Variants in PTPRO observed in about 807,000 individuals in gnomAD.
PTPRO encodes the protein protein tyrosine phosphatase receptor type O, also known as receptor-type tyrosine-protein phosphatase O.
PTPRO carries 62 observed loss-of-function variants against 145.2 expected under a neutral mutation model. That is an observed-to-expected ratio of 0.43 (90% confidence interval 0.35 to 0.53). The LOEUF is 0.53. PTPRO is among the 20% of genes least tolerant of loss of function. PTPRO has a pLI of 0.01. For missense variants in PTPRO, 1,345 were observed against 1,482.7 expected (o/e 0.91, Z 1.53); for synonymous variants, 565 against 514.7 (o/e 1.10, Z -1.32).
intron 12 of PTPRO, among the ~76,000 whole-genome samples, chr12:15,545,483 C>A (rs937457737): frequency 1.1e-4 from 17 of 150,176 alleles, no homozygotes; most frequent in African/African-American, 2.7e-4. Flanking sequence ...GGGTCACAAG[C>A]AGAAGACCAG....
intron 1 of PTPRO, among the ~76,000 whole-genome samples, chr12:15,408,128 G>A (rs185431119): frequency 6.6e-6 from 1 of 152,100 alleles, no homozygotes; most frequent in Non-Finnish European, 1.5e-5. Context: ...CCCTCCTTCA[G>A]ATATGCCTGG....
chr12:15,570,660 A>G (rs1944024856), intron 19 of PTPRO, among the ~76,000 whole-genome samples: 1 of 152,234 alleles, frequency 6.6e-6, no homozygotes, highest in South Asian at 2.1e-4. Flanking sequence ...TTGGAAATGA[A>G]TGAGGAGGAT....
At chr12:15,532,658 G>T (rs911616588) in intron 12 of PTPRO, among the ~76,000 whole-genome samples, 1 of 152,132 alleles carries the variant, frequency 6.6e-6, no homozygotes, top group Non-Finnish European at 1.5e-5. Flanking sequence ...CCTCCCTTGT[G>T]GTCTATACTT....
chr12:15,522,562 T>C (rs1042564260), intron 10 of PTPRO, among the ~76,000 whole-genome samples: 1 of 152,224 alleles, frequency 6.6e-6, no homozygotes, highest in African/African-American at 2.4e-5. Flanking sequence ...TTTTACCTTC[T>C]TATTTAAAGC....
At chr12:15,546,465 C>T in intron 12 of PTPRO, 104 bp from the exon 13 acceptor site, 1 of 1,532,690 alleles carries the variant, frequency 6.5e-7, no homozygotes, top group South Asian at 1.2e-5. Flanking sequence ...GGTGCTCTTA[C>T]CTACCTATAT....
chr12:15,548,305 G>A (rs1943351424), intron 13 of PTPRO, among the ~76,000 whole-genome samples: 1 of 152,130 alleles, frequency 6.6e-6, no homozygotes, highest in Non-Finnish European at 1.5e-5. Context: ...ATGTAGGGAG[G>A]CAGGCATTGT....
chr12:15,436,988 C>T (rs147421600), intron 1 of PTPRO, among the ~76,000 whole-genome samples: 2 of 152,076 alleles, frequency 1.3e-5, no homozygotes, highest in African/African-American at 2.4e-5. Context: ...ATCCTCCTCC[C>T]CTGAGATCGT....
chr12:15,516,487 GAA>G (rs1942594231), intron 8 of PTPRO, among the ~76,000 whole-genome samples: 2 of 138,572 alleles, frequency 1.4e-5, no homozygotes, highest in African/African-American at 5.3e-5. Flanking sequence ...AAAAGAGAGA[GAA>G]AGGAAAGAAA....
intron 1 of PTPRO, among the ~76,000 whole-genome samples, chr12:15,414,646 A>G (rs1565615721): frequency 6.6e-6 from 1 of 152,122 alleles, no homozygotes; most frequent in African/African-American, 2.4e-5. Flanking sequence ...TTAAATTTTA[A>G]TTTATTCAGC....
At position 15,484,207 on chromosome 12, in the gene PTPRO, T is replaced by C; in HGVS notation, c.309T>C (p.Asn103=). The change falls in exon 2 of 27, where the codon AAT becomes AAC. Residue 103 remains asparagine, a synonymous_variant. Transcript: ENST00000281171. ...TCACTCTGGTAGTGGTAAATGGAAA[T>C]GTGGTGACCAAGCCATCCAGATCAA... The part of the protein sequence containing the change: ...YIITLVVVNG[N]VVTKPSRSIT... 1 of 1,613,512 alleles carries C rather than the reference T, an allele frequency of 6.2e-7. No individual in the cohort carries two copies. Among genetic ancestry groups the C allele is most frequent in the Non-Finnish European group, 8.5e-7 (1 of 1,179,640 alleles).
At chr12:15,474,276 G>A (rs752056061) in intron 1 of PTPRO, among the ~76,000 whole-genome samples, 12 of 152,188 alleles carry the variant, frequency 7.9e-5, no homozygotes, top group South Asian at 4.1e-4. Flanking sequence ...TCCTTGCCCC[G>A]CAGCCCAGGA....
chr12:15,364,908 A>G (rs959843423), intron 1 of PTPRO, among the ~76,000 whole-genome samples: 12 of 152,266 alleles, frequency 7.9e-5, no homozygotes, highest in Non-Finnish European at 1.8e-4. Flanking sequence ...ATATCAGTTC[A>G]TTACAGTCAG....
intron 1 of PTPRO, among the ~76,000 whole-genome samples, chr12:15,461,241 C>G (rs1591831788): frequency 6.6e-6 from 1 of 152,178 alleles, no homozygotes; most frequent in East Asian, 1.9e-4. Context: ...AACCAATTGT[C>G]AAGCAGAAAA....
At chr12:15,443,802 G>A (rs890721725) in intron 1 of PTPRO, among the ~76,000 whole-genome samples, 1 of 152,100 alleles carries the variant, frequency 6.6e-6, no homozygotes, top group Admixed American at 6.6e-5. Context: ...TCTCACACCA[G>A]TCAGAACGGC....
chr12:15,515,456 A>T (rs1371587198), intron 7 of PTPRO, 42 bp from the exon 8 acceptor site: 2 of 1,610,656 alleles, frequency 1.2e-6, no homozygotes, highest in Admixed American at 3.3e-5. Flanking sequence ...ACATTCTGAA[A>T]TCCCAGCTCT....
At chr12:15,554,029 T>C (rs540022341) in intron 15 of PTPRO, among the ~76,000 whole-genome samples, 1 of 152,250 alleles carries the variant, frequency 6.6e-6, no homozygotes, top group East Asian at 1.9e-4. Flanking sequence ...ACCCTGTCTC[T>C]ACTGAAAATA....
rs745737367 is a variant in PTPRO at position 15,580,685 on chromosome 12, C to T, written c.2998-12C>T. 4 of 1,613,958 alleles carry T rather than the reference C, an allele frequency of 2.5e-6. No individual in the cohort carries two copies. The African/African-American group carries it at 5.3e-5, about 22-fold the overall frequency. On this transcript the variant is annotated splice_polypyrimidine_tract_variant and intron_variant, in intron 21 of 26. Coordinates refer to ENST00000281171, the MANE Select transcript of PTPRO (RefSeq NM_030667.3). The stretch of plus-strand genomic sequence containing the variant: ...GTCTGGTTAGGTGATAATTTTGTCA[C>T]TTATCTTTCAGGGATACAACTCACC...
intron 1 of PTPRO, among the ~76,000 whole-genome samples, chr12:15,416,893 A>G (rs1329989982): frequency 6.6e-6 from 1 of 151,658 alleles, no homozygotes; most frequent in Non-Finnish European, 1.5e-5. Flanking sequence ...TAGTAATAAT[A>G]GAAAATCAAT....
chr12:15,462,044 C>G (rs1941315842), intron 1 of PTPRO, among the ~76,000 whole-genome samples: 1 of 152,136 alleles, frequency 6.6e-6, no homozygotes, highest in South Asian at 2.1e-4. Context: ...CATCTTCTGT[C>G]CCTAACCACA....
Sources: allele counts gnomAD v4.1 joint callset (sites outside exome capture counted in the v4.1 genomes callset), GRCh38; gene constraint gnomAD v4.1.1; transcripts MANE v1.5; gene names NCBI Gene and HGNC (gene_info 2026-07-23, HGNC 2026-07-21).